Variants in DHRS12 observed in about 807,000 individuals in gnomAD.
The protein encoded by DHRS12 is dehydrogenase/reductase 12.
Under a neutral mutation model 32.1 loss-of-function variants are expected in DHRS12, and 29 were observed. The ratio of observed to expected loss-of-function variants is 0.90; its 90% CI spans 0.67 to 1.23. The LOEUF (loss-of-function observed/expected upper bound fraction) is 1.23, where lower values mean the gene tolerates loss of function less well. DHRS12 is among the 50% of genes most tolerant of loss of function. DHRS12 has a pLI of 0.00. For synonymous variants in DHRS12, 150 were observed against 135.9 expected, an observed-to-expected ratio of 1.10 and a Z score of -0.72; for missense variants, 330 against 337.2, an observed-to-expected ratio of 0.98 and a Z score of 0.17.
At chr13:51,766,245 TA>T (rs1566263675), downstream of DHRS12, 1 of 152,234 alleles carries the variant, frequency 6.6e-6, no homozygotes, top group Non-Finnish European at 1.5e-5. Context: ...GAAATCTTTA[TA>T]TGAAATGTAC....
At chr13:51,768,578 G>C (rs1421546313) in intron 8 of DHRS12, 1 of 1,278,794 alleles carries the variant, frequency 7.8e-7, no homozygotes, top group African/African-American at 1.5e-5. Flanking sequence ...GGATACCCCA[G>C]GGGTCACCAG....
At chr13:51,776,967 C>T in intron 5 of DHRS12, 93 bp downstream of exon 5, 2 of 1,443,676 alleles carry the variant, frequency 1.4e-6, no homozygotes, top group South Asian at 2.3e-5. Context: ...AGAATGGCCC[C>T]CTTAGGGCAG....
Position 51,768,305 on chromosome 13 carries a change from G to A in DHRS12, c.698-9C>T, listed in dbSNP as rs893153013. 3.3e-5 allele frequency: 51 copies of A among 1,535,686 alleles called. No homozygotes were observed. Among genetic ancestry groups the A allele is most frequent in the Middle Eastern group, 1.8e-4 (1 of 5,630 alleles). On this transcript the variant is annotated splice_polypyrimidine_tract_variant and intron_variant, in intron 8 of 8. Coordinates refer to ENST00000444610, the MANE Select transcript of DHRS12 (RefSeq NM_001377533.1). ...AGAAACTGGCTTCCGATCTAAAAGT[G>A]AGAGGGAACCGCAGAGAGGTGTGAG...
At chr13:51,769,497 A>G (rs1399014485) in intron 7 of DHRS12, among the ~76,000 whole-genome samples, 1 of 152,196 alleles carries the variant, frequency 6.6e-6, no homozygotes, top group Non-Finnish European at 1.5e-5. Flanking sequence ...CCTGATGGAA[A>G]GTGGTGCTCA....
chr13:51,797,695 G>A (rs1309383804), intron 2 of DHRS12: 17 of 912,054 alleles, frequency 1.9e-5, no homozygotes, highest in South Asian at 1.2e-4. Flanking sequence ...CCTGCTGGCC[G>A]AGGCTGCTTC....
intron 7 of DHRS12, chr13:51,770,975 G>C (rs1017029642): frequency 3.0e-6 from 4 of 1,346,306 alleles, no homozygotes; most frequent in East Asian, 2.8e-5. Context: ...GAATTCCAAG[G>C]CTTCTGATAA....
At position 51,793,886 on chromosome 13, in the gene DHRS12, C is replaced by T. The variant is rs139361426; in HGVS notation, c.127-2629G>A. 1.9e-3 allele frequency among the ~76,000 whole-genome samples: 287 copies of T among 152,328 alleles called. 2 individuals are homozygous for T. The highest frequency in any genetic ancestry group is 6.3e-3 in the African/African-American group (260 of 41,560). On this transcript the variant is annotated intron_variant, in intron 2 of 8. Transcript: ENST00000444610. ...GAACTAAAAGCAATTCTGCTTTAAA[C>T]GTTCCACAAGTTATCTGAGCTTCCT...
At chr13:51,757,249 C>T in the DHRS12 span, among the ~76,000 whole-genome samples, 3 of 152,054 alleles carry the variant, frequency 2.0e-5, no homozygotes, top group Non-Finnish European at 2.9e-5. Flanking sequence ...ACTCATCATA[C>T]GTGATGAAAT....
intron 4 of DHRS12, among the ~76,000 whole-genome samples, chr13:51,781,562 G>A (rs932512618): frequency 6.6e-6 from 1 of 152,172 alleles, no homozygotes; most frequent in Non-Finnish European, 1.5e-5. Flanking sequence ...GGCGGGGGAG[G>A]TGTCAGGCTC....
intron 1 of DHRS12, chr13:51,803,462 C>T (rs1293335725): frequency 6.6e-6 from 1 of 152,282 alleles, no homozygotes; most frequent in Non-Finnish European, 1.5e-5. Context: ...AGGAACCTGT[C>T]ACCTCTTAAA....
At chr13:51,773,549 T>C (rs1032054734) in intron 6 of DHRS12, among the ~76,000 whole-genome samples, 4 of 151,992 alleles carry the variant, frequency 2.6e-5, no homozygotes, top group African/African-American at 7.2e-5. Flanking sequence ...CAGAATTCAA[T>C]GTGCCGCCCC....
chr13:51,769,891 C>G (rs144677498), intron 7 of DHRS12, among the ~76,000 whole-genome samples: 2,073 of 152,356 alleles, frequency 0.014, 44 homozygotes, highest in African/African-American at 0.048. Context: ...GCCACAGCGT[C>G]GGGCACTCTA....
chr13:51,755,333 CCTGTT>C, the DHRS12 span: 4 of 1,609,788 alleles, frequency 2.5e-6, no homozygotes, highest in Non-Finnish European at 1.7e-6. Flanking sequence ...GCCACAGTGA[CCTGTT>C]CTGTGCTTTA....
chr13:51,787,868 AATAT>A (rs61044310), intron 4 of DHRS12, among the ~76,000 whole-genome samples: 1 of 114,284 alleles, frequency 8.8e-6, no homozygotes, highest in Non-Finnish European at 1.7e-5. Flanking sequence ...ATAATATATA[AATAT>A]ATAATTATAT....
chr13:51,758,074 C>T, the DHRS12 span: 1 of 515,542 alleles, frequency 1.9e-6, no homozygotes, highest in Non-Finnish European at 3.5e-6. Context: ...AGGAGCATTC[C>T]TGTCAGTGAA....
chr13:51,791,890 T>A (rs995287225), intron 2 of DHRS12, among the ~76,000 whole-genome samples: 1 of 152,252 alleles, frequency 6.6e-6, no homozygotes, highest in Admixed American at 6.5e-5. Flanking sequence ...GAACTTGGGT[T>A]AGCTCCTCCA....
chr13:51,768,213 C>G lies in DHRS12; in HGVS notation c.781G>C (p.Glu261Gln), dbSNP rs1246484713. 3 of 1,536,070 alleles carry G rather than the reference C, an allele frequency of 2.0e-6. No homozygotes were observed. Among genetic ancestry groups the G allele is most frequent in the Admixed American group, 2.0e-5 (1 of 51,002 alleles). Residue 261 changes from glutamate (E) to glutamine (Q), a missense_variant, in exon 9 of 9, where the codon GAA becomes CAA. Coordinates refer to ENST00000444610, the MANE Select transcript of DHRS12 (RefSeq NM_001377533.1). ...AEEEKLIEIL[E>Q]QLAQTFK ...TATTTAAATGTCTGAGCCAGCTGTT[C>G]CAGGATTTCAATGAGTTTCTCCTCT... is the stretch of plus-strand genomic sequence containing the variant.
At chr13:51,758,849 T>G in the DHRS12 span, among the ~76,000 whole-genome samples, 9 of 152,158 alleles carry the variant, frequency 5.9e-5, no homozygotes, top group Non-Finnish European at 1.3e-4. Flanking sequence ...TAACCCACTT[T>G]GGAAGCTACC....
chr13:51,755,963 T>C, the DHRS12 span, among the ~76,000 whole-genome samples: 1 of 152,088 alleles, frequency 6.6e-6, no homozygotes, highest in African/African-American at 2.4e-5. Flanking sequence ...GTTTCCTGCA[T>C]GTTCTCCTTC....
Sources: gnomAD v4.1 joint callset for allele counts (sites outside exome capture counted in the v4.1 genomes callset) on GRCh38, gnomAD v4.1.1 for gene constraint, MANE v1.5 for transcripts, NCBI Gene and HGNC (gene_info 2026-07-23, HGNC 2026-07-21) for gene names.